OPCML: variants seen among roughly 807,000 people sequenced by gnomAD.
OPCML encodes opioid-binding protein/cell adhesion molecule.
OPCML carries 13 observed loss-of-function variants against 37.8 expected under a neutral mutation model. The ratio of observed to expected loss-of-function variants is 0.34; its 90% CI spans 0.22 to 0.55. The LOEUF (loss-of-function observed/expected upper bound fraction) is 0.55, where lower values mean the gene tolerates loss of function less well. Among genes scored for constraint, OPCML ranks in the 20% least tolerant of loss-of-function variants. The pLI is 0.91. For missense variants in OPCML, 341 were observed against 435.6 expected (o/e 0.78, Z 1.93); for synonymous variants, 176 against 168.8 (o/e 1.04, Z -0.33).
chr11:132,800,403 T>C (rs11601058), intron 2 of OPCML, among the ~76,000 whole-genome samples: 146 of 152,318 alleles, frequency 9.6e-4, no homozygotes, highest in Non-Finnish European at 1.9e-3. Flanking sequence ...TATGTTTGTT[T>C]GTTTGTTTTT....
intron 1 of OPCML, among the ~76,000 whole-genome samples, chr11:132,952,647 C>A (rs1221005353): frequency 6.6e-6 from 1 of 152,144 alleles, no homozygotes; most frequent in Non-Finnish European, 1.5e-5. Context: ...AAGGAACCAA[C>A]ATTGTGCGTG....
At chr11:132,734,043 G>C (rs1945171703) in intron 2 of OPCML, among the ~76,000 whole-genome samples, 1 of 152,096 alleles carries the variant, frequency 6.6e-6, no homozygotes, top group Non-Finnish European at 1.5e-5. Flanking sequence ...TGTACGATGG[G>C]ATAATAACAT....
chr11:132,599,660 T>A (rs1226454814), intron 3 of OPCML, among the ~76,000 whole-genome samples: 3 of 152,208 alleles, frequency 2.0e-5, no homozygotes, highest in Non-Finnish European at 4.4e-5. Context: ...TACACCTAGT[T>A]GTATATACAG....
intron 1 of OPCML, among the ~76,000 whole-genome samples, chr11:133,084,262 C>A (rs1948785651): frequency 1.3e-5 from 2 of 152,286 alleles, no homozygotes; most frequent in South Asian, 4.1e-4. Context: ...AAAGCCCACC[C>A]CCCAGACACC....
chr11:133,436,218 AAAG>A (rs1269038407), intron 1 of OPCML, among the ~76,000 whole-genome samples: 7 of 152,340 alleles, frequency 4.6e-5, no homozygotes, highest in African/African-American at 1.7e-4. Context: ...CCTTTCAAAA[AAAG>A]AAGAAAAATA....
intron 4 of OPCML, among the ~76,000 whole-genome samples, chr11:132,500,865 C>A (rs1352485008): frequency 1.3e-5 from 2 of 152,182 alleles, no homozygotes; most frequent in Non-Finnish European, 2.9e-5. Context: ...TCATCTATGT[C>A]CCTGCAAAGG....
At chr11:133,322,031 C>A (rs555315664) in intron 1 of OPCML, among the ~76,000 whole-genome samples, 1 of 152,258 alleles carries the variant, frequency 6.6e-6, no homozygotes, top group Non-Finnish European at 1.5e-5. Flanking sequence ...TTCATATTAA[C>A]AAATGCCATC....
At chr11:132,774,691 T>C (rs1946755317) in intron 2 of OPCML, among the ~76,000 whole-genome samples, 1 of 152,144 alleles carries the variant, frequency 6.6e-6, no homozygotes, top group Non-Finnish European at 1.5e-5. Flanking sequence ...CCTCCTATCA[T>C]TCCCTGTCCC....
chr11:133,228,205 G>T (rs906163416), intron 1 of OPCML, among the ~76,000 whole-genome samples: 1 of 152,082 alleles, frequency 6.6e-6, no homozygotes, highest in Non-Finnish European at 1.5e-5. Context: ...TCTTTCACTG[G>T]TACCGCACTG....
At chr11:132,584,398 C>T (rs2096468181) in intron 3 of OPCML, among the ~76,000 whole-genome samples, 1 of 152,094 alleles carries the variant, frequency 6.6e-6, no homozygotes, top group Non-Finnish European at 1.5e-5. Context: ...TATTTTAAGA[C>T]CTAATATGTT....
intron 2 of OPCML, among the ~76,000 whole-genome samples, chr11:132,928,515 G>T (rs577676662): frequency 7.2e-5 from 11 of 151,906 alleles, no homozygotes; most frequent in Non-Finnish European, 1.6e-4. Flanking sequence ...TGCTCTACAA[G>T]ACCAGTAGGA....
At chr11:133,220,360 C>G (rs765382665) in intron 1 of OPCML, among the ~76,000 whole-genome samples, 23 of 152,130 alleles carry the variant, frequency 1.5e-4, no homozygotes, top group Non-Finnish European at 3.1e-4. Flanking sequence ...TCCATTAGGA[C>G]AAAAAATAAG....
At chr11:133,183,989 T>C (rs1937957055) in intron 1 of OPCML, among the ~76,000 whole-genome samples, 2 of 152,172 alleles carry the variant, frequency 1.3e-5, no homozygotes, top group South Asian at 4.1e-4. Flanking sequence ...CACACACCCA[T>C]TACCATGTTT....
intron 4 of OPCML, among the ~76,000 whole-genome samples, chr11:132,455,716 C>T (rs974874257): frequency 1.3e-4 from 20 of 152,168 alleles, no homozygotes; most frequent in African/African-American, 4.6e-4. Flanking sequence ...TAAGCCATTA[C>T]ATATTGATAG....
In OPCML at chr11:132,681,430, G is replaced by T. The variant is rs546986188; in HGVS notation, c.147-24111C>A. Among the ~76,000 whole-genome samples the T allele has an allele frequency of 4.6e-5, 7 of 152,260 alleles. No individual in the cohort carries two copies. In the South Asian group the frequency reaches 1.4e-3, roughly 32 times the overall value. On this transcript the variant is annotated intron_variant, in intron 2 of 7. Coordinates refer to ENST00000524381, the MANE Select transcript of OPCML (RefSeq NM_001012393.5). ...TTCGACATGGGAGAGAAGCAGCTTG[G>T]CTTCATGGGGGACAGCTTGATGGCA...
chr11:132,728,222 G>A (rs1944955008), intron 2 of OPCML, among the ~76,000 whole-genome samples: 1 of 152,158 alleles, frequency 6.6e-6, no homozygotes, highest in Non-Finnish European at 1.5e-5. Context: ...TGTAGCCCCA[G>A]GCAGAAAGGG....
chr11:132,959,160 G>C (rs752535567), intron 1 of OPCML, among the ~76,000 whole-genome samples: 2 of 152,200 alleles, frequency 1.3e-5, no homozygotes, highest in Admixed American at 6.5e-5. Context: ...CTTAGAAGAC[G>C]TTGATTCCAA....
chr11:132,739,242 A>G (rs1945360783), intron 2 of OPCML, among the ~76,000 whole-genome samples: 1 of 152,114 alleles, frequency 6.6e-6, no homozygotes, highest in Non-Finnish European at 1.5e-5. Flanking sequence ...CTTTGTTAAG[A>G]TGTTATAGAA....
chr11:132,710,247 T>C (rs116673422), intron 2 of OPCML, among the ~76,000 whole-genome samples: 2,179 of 152,252 alleles, frequency 0.014, 39 homozygotes, highest in Middle Eastern at 0.041. Context: ...TTAGGAAGAA[T>C]TCAGTTTTTT....
Sources: allele counts gnomAD v4.1 joint callset (sites outside exome capture counted in the v4.1 genomes callset), GRCh38; gene constraint gnomAD v4.1.1; transcripts MANE v1.5; gene names NCBI Gene and HGNC (gene_info 2026-07-23, HGNC 2026-07-21).